PTPRD: variants seen among roughly 807,000 people sequenced by gnomAD.
The protein encoded by PTPRD is protein tyrosine phosphatase receptor type D.
A neutral mutation model predicts 214.5 loss-of-function variants in PTPRD; 34 were observed. The observed-to-expected ratio is 0.16, with a 90% CI of 0.12 to 0.21. The LOEUF is 0.21. Ranked by LOEUF, PTPRD falls within the 10% of genes least tolerant of loss-of-function variation. The pLI is 1.00. For missense variants in PTPRD, 2,545 were observed against 2,398.7 expected (o/e 1.06, Z -1.27); for synonymous variants, 1,128 against 845.7 (o/e 1.33, Z -5.79).
chr9:8,425,425 C>G (rs1412644468), intron 35 of PTPRD, among the ~76,000 whole-genome samples: 1 of 139,810 alleles, frequency 7.2e-6, no homozygotes, highest in African/African-American at 2.7e-5. Context: ...ACCTTTCACA[C>G]CTCACCTCTC....
intron 5 of PTPRD, among the ~76,000 whole-genome samples, chr9:9,835,346 G>C (rs1054741472): frequency 1.3e-5 from 2 of 151,968 alleles, no homozygotes; most frequent in African/African-American, 4.8e-5. Context: ...ATATAGATAT[G>C]ATCCATTAAT....
intron 2 of PTPRD, among the ~76,000 whole-genome samples, chr9:10,392,009 G>A (rs1338486434): frequency 6.6e-6 from 1 of 151,634 alleles, no homozygotes; most frequent in Non-Finnish European, 1.5e-5. Flanking sequence ...ACTCTTTTAT[G>A]CCTCTTCCCT....
chr9:10,357,498 A>T (rs574727603), intron 2 of PTPRD, among the ~76,000 whole-genome samples: 1 of 152,250 alleles, frequency 6.6e-6, no homozygotes, highest in Non-Finnish European at 1.5e-5. Flanking sequence ...ATTAGCATTT[A>T]CATGGTGGAG....
At chr9:9,046,725 T>C (rs2154387641) in intron 10 of PTPRD, among the ~76,000 whole-genome samples, 1 of 152,272 alleles carries the variant, frequency 6.6e-6, no homozygotes, top group South Asian at 2.1e-4. Flanking sequence ...GTTATTGTAT[T>C]TGGGAAAGCA....
At chr9:8,832,541 C>T (rs922482307) in intron 11 of PTPRD, among the ~76,000 whole-genome samples, 3 of 150,366 alleles carry the variant, frequency 2.0e-5, no homozygotes, top group Non-Finnish European at 4.4e-5. Flanking sequence ...ACATTTCAGA[C>T]ATGCCCAACT....
intron 5 of PTPRD, among the ~76,000 whole-genome samples, chr9:9,826,408 C>A (rs1364178027): frequency 1.3e-5 from 2 of 151,758 alleles, no homozygotes; most frequent in Admixed American, 6.6e-5. Context: ...AAAAAAAATA[C>A]AATTTTGAAG....
intron 5 of PTPRD, among the ~76,000 whole-genome samples, chr9:9,889,615 T>C (rs1003381242): frequency 2.6e-5 from 4 of 152,094 alleles, no homozygotes; most frequent in African/African-American, 9.7e-5. Context: ...CAGCCCCAAT[T>C]CCACAATACA....
At chr9:9,206,026 C>G (rs2099944670) in intron 9 of PTPRD, among the ~76,000 whole-genome samples, 1 of 152,074 alleles carries the variant, frequency 6.6e-6, no homozygotes, top group East Asian at 1.9e-4. Context: ...GTTGTCATTA[C>G]AAGCACAGAG....
intron 34 of PTPRD, among the ~76,000 whole-genome samples, chr9:8,437,784 G>T (rs150284627): frequency 1.3e-5 from 2 of 152,058 alleles, no homozygotes; most frequent in African/African-American, 2.4e-5. Context: ...AGCAGAGATG[G>T]GGTGACACAT....
At chr9:8,758,301 T>C (rs1260693393) in intron 11 of PTPRD, among the ~76,000 whole-genome samples, 1 of 152,210 alleles carries the variant, frequency 6.6e-6, no homozygotes. Flanking sequence ...GTAGTACCAC[T>C]CTAGATGCAT....
intron 3 of PTPRD, among the ~76,000 whole-genome samples, chr9:10,199,911 GCACA>G (rs772202474): frequency 1.6e-3 from 136 of 82,878 alleles, no homozygotes; most frequent in South Asian, 8.0e-3. Context: ...GCGCACACAC[GCACA>G]CACACACACA....
At chr9:8,856,968 T>C (rs1008803033) in intron 11 of PTPRD, among the ~76,000 whole-genome samples, 6 of 152,222 alleles carry the variant, frequency 3.9e-5, no homozygotes, top group Non-Finnish European at 8.8e-5. Flanking sequence ...TTCGTGGCTT[T>C]CTTTTTAAAT....
chr9:8,339,209 C>T (rs1320840853), intron 42 of PTPRD, among the ~76,000 whole-genome samples, 162 bp from the exon 43 acceptor site: 1 of 152,090 alleles, frequency 6.6e-6, no homozygotes, highest in African/African-American at 2.4e-5. Flanking sequence ...TCTTAGAAAC[C>T]ATGAGCTCCC....
At chr9:10,166,229 G>A (rs1260372025) in intron 3 of PTPRD, among the ~76,000 whole-genome samples, 18 of 147,534 alleles carry the variant, frequency 1.2e-4, no homozygotes, top group Admixed American at 4.7e-4. Flanking sequence ...TAGTAATAAA[G>A]GGACTGAAAA....
At chr9:10,488,321 C>T (rs555182234) in intron 2 of PTPRD, among the ~76,000 whole-genome samples, 8 of 148,136 alleles carry the variant, frequency 5.4e-5, no homozygotes, top group African/African-American at 1.0e-4. Flanking sequence ...GAGCCGAGAT[C>T]GCACCACTGC....
intron 4 of PTPRD, among the ~76,000 whole-genome samples, chr9:9,979,140 C>G (rs191832502): frequency 0.015 from 2,207 of 152,004 alleles, 43 homozygotes; most frequent in Middle Eastern, 0.02. Context: ...AGAGGATGTC[C>G]TTCAGGCAGA....
intron 8 of PTPRD, among the ~76,000 whole-genome samples, chr9:9,522,073 C>T (rs992122397): frequency 6.9e-6 from 1 of 144,882 alleles, no homozygotes; most frequent in African/African-American, 2.6e-5. Flanking sequence ...AGGAGAATCG[C>T]TTGAAACTGG....
intron 7 of PTPRD, among the ~76,000 whole-genome samples, chr9:9,633,414 C>G (rs187347186): frequency 6.6e-6 from 1 of 152,176 alleles, no homozygotes; most frequent in East Asian, 1.9e-4. Context: ...CACCAAATAT[C>G]AAAGAATTCA....
chr9:9,419,028 C>G (rs924240934), intron 8 of PTPRD, among the ~76,000 whole-genome samples: 1 of 150,552 alleles, frequency 6.6e-6, no homozygotes, highest in Non-Finnish European at 1.5e-5. Context: ...ATATTTTGTG[C>G]AAAAATTGAA....
Sources: gnomAD v4.1 joint callset for allele counts (sites outside exome capture counted in the v4.1 genomes callset) on GRCh38, gnomAD v4.1.1 for gene constraint, MANE v1.5 for transcripts, NCBI Gene and HGNC (gene_info 2026-07-23, HGNC 2026-07-21) for gene names.